PADI2: variants seen among roughly 807,000 people sequenced by gnomAD.
PADI2 encodes the protein protein-arginine deiminase type-2.
Under a neutral mutation model 81.1 loss-of-function variants are expected in PADI2, and 70 were observed. That is an observed-to-expected ratio of 0.86 (90% CI 0.71 to 1.05). PADI2 has a LOEUF of 1.05. Ranked by LOEUF, PADI2 falls within the 50% of genes least tolerant of loss-of-function variation. PADI2 has a pLI of 0.00. For synonymous variants in PADI2, 338 were observed against 358.0 expected (o/e 0.94, Z 0.63); for missense variants, 853 against 889.9 (o/e 0.96, Z 0.53).
At chr1:17,090,145 C>A (rs1930632354) in intron 6 of PADI2, among the ~76,000 whole-genome samples, 1 of 152,246 alleles carries the variant, frequency 6.6e-6, no homozygotes, top group Non-Finnish European at 1.5e-5. Flanking sequence ...CCACTCCAAT[C>A]ATTGTAACTA....
At chr1:17,093,953 T>G (rs1930807443) in intron 4 of PADI2, among the ~76,000 whole-genome samples, 1 of 152,002 alleles carries the variant, frequency 6.6e-6, no homozygotes, top group Non-Finnish European at 1.5e-5. Flanking sequence ...CTGGTGTGGG[T>G]GGAGGCAGGG....
Position 17,119,451 on chromosome 1 carries a change from T to G in PADI2, c.-80A>C, listed in dbSNP as rs1353788435. 1.0e-5 allele frequency: 11 copies of G among 1,085,684 alleles called. No homozygotes were observed. Among genetic ancestry groups the G allele is most frequent in the African/African-American group, 1.7e-5 (1 of 59,578 alleles). 67.3% of individuals were successfully genotyped at this position (1,085,684 alleles called of 1,614,324 possible). On this transcript the variant is annotated 5_prime_UTR_variant, in exon 1 of 16. Coordinates refer to ENST00000375486, the MANE Select transcript of PADI2 (RefSeq NM_007365.3). This position sits in a 1 kb window ranked among gnomAD's most constrained non-coding sequence, Gnocchi z 4.8. ...AGCAGGTGCGCCTTCTCCAGCAGCC[T>G]GCGCCCCACGGCCCCGCGCGCAGCC...
chr1:17,105,976 C>G (rs1931361156), intron 1 of PADI2, among the ~76,000 whole-genome samples: 1 of 152,162 alleles, frequency 6.6e-6, no homozygotes, highest in South Asian at 2.1e-4. Context: ...GATGGAGACC[C>G]AGGCAGGAAT....
chr1:17,070,517 G>A (rs764396333), intron 14 of PADI2, among the ~76,000 whole-genome samples: 12 of 152,198 alleles, frequency 7.9e-5, no homozygotes, highest in African/African-American at 2.4e-4. Context: ...GTGACCCCTC[G>A]GGCCACCCCA....
chr1:17,067,202 T>TAAAAAAA lies in PADI2; in HGVS notation c.*1835_*1841dup. 1 of 47,370 alleles carries TAAAAAAA rather than the reference T, an allele frequency of 2.1e-5. No homozygotes were observed. Among genetic ancestry groups the TAAAAAAA allele is most frequent in the Non-Finnish European group, 3.6e-5 (1 of 27,618 alleles). 2.9% of individuals were successfully genotyped at this position (47,370 alleles called of 1,614,324 possible). A position where few individuals can be genotyped will look rare whatever the true frequency, so the allele number is the denominator to read the frequency against. Reference sequence around the variant, plus strand: ...GCGCTCACTTCCCCCTAATGTAGACTAAAAAAAAAAAGAAAAAAAAGAAAG... The same window carrying TAAAAAAA: ...GCGCTCACTTCCCCCTAATGTAGACTAAAAAAAAAAAAAAAAAAGAAAAAAAAGAAAG... On this transcript the variant is annotated 3_prime_UTR_variant, in exon 16 of 16. Coordinates refer to ENST00000375486, the MANE Select transcript of PADI2 (RefSeq NM_007365.3).
intron 2 of PADI2, among the ~76,000 whole-genome samples, chr1:17,104,086 T>C (rs1260222374): frequency 5.4e-5 from 8 of 148,636 alleles, no homozygotes; most frequent in East Asian, 2.0e-4. Flanking sequence ...ATCGACAGCA[T>C]CCTGGCTAAC....
intron 7 of PADI2, among the ~76,000 whole-genome samples, chr1:17,085,980 T>C (rs1930380941): frequency 6.6e-6 from 1 of 152,194 alleles, no homozygotes; most frequent in Admixed American, 6.5e-5. Flanking sequence ...GGACAGGACC[T>C]CTTCTCCTCA....
At chr1:17,103,672 A>G (rs968856747) in intron 2 of PADI2, among the ~76,000 whole-genome samples, 3 of 151,894 alleles carry the variant, frequency 2.0e-5, no homozygotes, top group Non-Finnish European at 4.4e-5. Context: ...ACCCCACAAC[A>G]TCCACATGGC....
intron 3 of PADI2, among the ~76,000 whole-genome samples, chr1:17,098,374 G>A (rs192858488): frequency 2.6e-5 from 4 of 152,340 alleles, no homozygotes; most frequent in East Asian, 1.9e-4. Flanking sequence ...CAGTGGGGCC[G>A]TGGGCTAGGA....
chr1:17,075,587 G>A, intron 12 of PADI2, 92 bp downstream of exon 12: 4 of 1,174,982 alleles, frequency 3.4e-6, no homozygotes, highest in Non-Finnish European at 3.6e-6. Flanking sequence ...ATGCTGTCGA[G>A]TTCCTCTAGC....
intron 6 of PADI2, among the ~76,000 whole-genome samples, chr1:17,091,361 C>T (rs1930688044): frequency 6.6e-6 from 1 of 151,244 alleles, no homozygotes; most frequent in Non-Finnish European, 1.5e-5. Flanking sequence ...ATTGCAATGC[C>T]GACTATTTTG....
rs944334548 is a variant in PADI2, at chr1:17,072,049, C to T, written c.1550-558G>A. 9.2e-5 allele frequency among the ~76,000 whole-genome samples: 14 copies of T among 152,352 alleles called. 2 individuals carry two copies. The highest frequency in any genetic ancestry group is 5.9e-4 in the Admixed American group (9 of 15,304). ...TTCTAAACGCTTTACATTGAATTAA[C>T]TCATGGATCCTCCCCACATTTCTAT... On this transcript the variant is annotated intron_variant, in intron 13 of 15. Coordinates refer to ENST00000375486, the MANE Select transcript of PADI2 (RefSeq NM_007365.3).
intron 6 of PADI2, 43 bp downstream of exon 6, chr1:17,092,365 G>A: frequency 6.5e-7 from 1 of 1,529,800 alleles, no homozygotes. Context: ...AGGAGGGTAG[G>A]TGGCTAGAAA....
intron 1 of PADI2, among the ~76,000 whole-genome samples, chr1:17,106,183 G>A (rs1393608660): frequency 6.6e-6 from 1 of 152,168 alleles, no homozygotes; most frequent in Non-Finnish European, 1.5e-5. Context: ...CACCTTCTGA[G>A]TCATTTCTTG....
intron 3 of PADI2, among the ~76,000 whole-genome samples, chr1:17,100,326 C>T (rs759139104): frequency 1.1e-4 from 16 of 152,302 alleles, no homozygotes; most frequent in African/African-American, 3.4e-4. Context: ...ATTCTGTCGC[C>T]GAGGCTGGAG....
chr1:17,103,877 G>A (rs1206189774), intron 2 of PADI2, among the ~76,000 whole-genome samples: 3 of 150,896 alleles, frequency 2.0e-5, no homozygotes, highest in Non-Finnish European at 2.9e-5. Flanking sequence ...CCAGCTACTC[G>A]GGAGGCTGGG....
At chr1:17,070,370 G>A (rs76225080) in intron 14 of PADI2, among the ~76,000 whole-genome samples, 154 bp from the exon 15 acceptor site, 1,533 of 152,240 alleles carry the variant, frequency 0.01, 25 homozygotes, top group African/African-American at 0.035. Flanking sequence ...CCTCTCCCTG[G>A]CCCTGTCCAC....
chr1:17,076,912 A>T (rs11587487), intron 11 of PADI2, among the ~76,000 whole-genome samples: 1 of 151,696 alleles, frequency 6.6e-6, no homozygotes. Context: ...CAAGGTCTGC[A>T]ATCTCTCCAT....
At chr1:17,117,477 C>T (rs1041742445) in intron 1 of PADI2, among the ~76,000 whole-genome samples, 14 of 152,134 alleles carry the variant, frequency 9.2e-5, no homozygotes, top group Admixed American at 4.6e-4. Flanking sequence ...GTCTAGAGCG[C>T]ACTGCCCCTC....
Sources: gnomAD v4.1 joint callset for allele counts (sites outside exome capture counted in the v4.1 genomes callset) on GRCh38, gnomAD v4.1.1 for gene constraint, Gnocchi (gnomAD v3.1) non-coding constraint, MANE v1.5 for transcripts, NCBI Gene and HGNC (gene_info 2026-07-23, HGNC 2026-07-21) for gene names.